The following SHISA9 variants were observed in gnomAD, a reference collection of about 807,000 sequenced individuals.
SHISA9 encodes the protein shisa family member 9.
In SHISA9, 13 loss-of-function variants were observed where a neutral mutation model predicts 38.0. The ratio of observed to expected loss-of-function variants is 0.34; its 90% confidence interval spans 0.22 to 0.54. The LOEUF is 0.54. Among genes scored for constraint, SHISA9 ranks in the 20% least tolerant of loss-of-function variants. The pLI, the probability that SHISA9 is intolerant of heterozygous loss-of-function variation, is 0.91. For synonymous variants in SHISA9, 275 were observed against 242.0 expected (o/e 1.14, Z -1.27); for missense variants, 538 against 575.8 (o/e 0.93, Z 0.67).
At chr16:13,384,953 A>G in the SHISA9 span, among the ~76,000 whole-genome samples, 1 of 152,220 alleles carries the variant, frequency 6.6e-6, no homozygotes, top group African/African-American at 2.4e-5. Flanking sequence ...TGTAATCCAT[A>G]AAGAATGCTC....
intron 2 of SHISA9, among the ~76,000 whole-genome samples, chr16:13,118,180 T>TAAAAAAAA (rs543126630): frequency 1.2e-5 from 1 of 84,050 alleles, no homozygotes; most frequent in Non-Finnish European, 2.5e-5. Flanking sequence ...AGACTTCGTC[T>TAAAAAAAA]AAAAAAAAAA....
chr16:12,917,152 T>G (rs1019755747), intron 2 of SHISA9, among the ~76,000 whole-genome samples: 4 of 152,176 alleles, frequency 2.6e-5, no homozygotes, highest in Non-Finnish European at 4.4e-5. Context: ...AACCAATGGA[T>G]TATTGGGTTA....
intron 2 of SHISA9, among the ~76,000 whole-genome samples, chr16:13,116,232 C>T (rs890852878): frequency 1.5e-4 from 23 of 152,124 alleles, no homozygotes; most frequent in African/African-American, 3.1e-4. Flanking sequence ...AGAGAATTAA[C>T]GGTGGATTCT....
chr16:13,519,598 C>T, the SHISA9 span, among the ~76,000 whole-genome samples: 1 of 152,146 alleles, frequency 6.6e-6, no homozygotes, highest in African/African-American at 2.4e-5. Context: ...TCTCACACTG[C>T]TATGAAGAAA....
intron 2 of SHISA9, among the ~76,000 whole-genome samples, chr16:13,042,958 G>T (rs1211887348): frequency 1.3e-5 from 2 of 152,170 alleles, no homozygotes; most frequent in Admixed American, 1.3e-4. Flanking sequence ...TTAAGGTAAT[G>T]CTGGCTTCTA....
At chr16:13,249,840 C>T in the SHISA9 span, among the ~76,000 whole-genome samples, 2 of 152,114 alleles carry the variant, frequency 1.3e-5, no homozygotes, top group Non-Finnish European at 1.5e-5. Flanking sequence ...TCAAGCGATC[C>T]CCCAGCCTTA....
intron 2 of SHISA9, among the ~76,000 whole-genome samples, chr16:13,155,856 C>CT (rs1211542236): frequency 6.6e-6 from 1 of 151,824 alleles, no homozygotes; most frequent in Non-Finnish European, 1.5e-5. Flanking sequence ...GATTTCTCTG[C>CT]TTTTTTTTCT....
the SHISA9 span, among the ~76,000 whole-genome samples, chr16:13,351,407 A>C: frequency 6.6e-6 from 1 of 152,314 alleles, no homozygotes; most frequent in Admixed American, 6.5e-5. Context: ...GAGGAGATAG[A>C]AGACAAGTAC....
chr16:13,201,038 G>T (rs2051001506), intron 2 of SHISA9, among the ~76,000 whole-genome samples: 1 of 135,630 alleles, frequency 7.4e-6, no homozygotes, highest in Non-Finnish European at 1.6e-5. Flanking sequence ...CACCTCTAAG[G>T]TTATGAGGGA....
At position 13,183,641 on chromosome 16, in the gene SHISA9, A is replaced by G. The variant is rs535178215; in HGVS notation, c.692-19753A>G. On this transcript the variant is annotated intron_variant, in intron 2 of 4. Transcript: ENST00000558583. The stretch of plus-strand genomic sequence containing the variant: ...TATAAAGTGCCCTATCTTGGTTTCC[A>G]CAACTATGTTTTCCTTTTGTGAATA... Among the ~76,000 whole-genome samples, 212 of 152,352 alleles carry G rather than the reference A, an allele frequency of 1.4e-3. 1 individual carries two copies. The highest frequency in any genetic ancestry group is 4.7e-3 in the African/African-American group (194 of 41,592).
intron 2 of SHISA9, among the ~76,000 whole-genome samples, chr16:13,081,193 A>C (rs1486912205): frequency 6.6e-6 from 1 of 152,210 alleles, no homozygotes; most frequent in Non-Finnish European, 1.5e-5. Flanking sequence ...TGCTGTACCT[A>C]GGGATGGATA....
intron 2 of SHISA9, among the ~76,000 whole-genome samples, chr16:13,197,969 G>A (rs1202278307): frequency 1.3e-5 from 2 of 152,210 alleles, no homozygotes; most frequent in Non-Finnish European, 1.5e-5. Context: ...CAGATCACCT[G>A]AGGTCAGGAG....
chr16:13,183,557 T>C (rs1441058792), intron 2 of SHISA9, among the ~76,000 whole-genome samples: 1 of 152,262 alleles, frequency 6.6e-6, no homozygotes, highest in East Asian at 1.9e-4. Context: ...ATCTCCCAAC[T>C]GAGAGCTTAA....
intron 2 of SHISA9, among the ~76,000 whole-genome samples, chr16:13,081,228 G>A (rs1451929246): frequency 1.3e-5 from 2 of 152,182 alleles, no homozygotes; most frequent in African/African-American, 4.8e-5. Flanking sequence ...CAAAACGCAG[G>A]CATTCTTTGT....
At chr16:12,958,784 G>A (rs2071869892) in intron 2 of SHISA9, among the ~76,000 whole-genome samples, 1 of 152,162 alleles carries the variant, frequency 6.6e-6, no homozygotes, top group Admixed American at 6.5e-5. Flanking sequence ...CTGAAATTAT[G>A]TATCTAGTAA....
At chr16:13,291,067 C>G in the SHISA9 span, among the ~76,000 whole-genome samples, 3 of 152,102 alleles carry the variant, frequency 2.0e-5, no homozygotes, top group Non-Finnish European at 4.4e-5. Context: ...CACCAACTTG[C>G]TATAGGAACT....
At chr16:12,982,742 T>C (rs2072256909) in intron 2 of SHISA9, among the ~76,000 whole-genome samples, 1 of 152,250 alleles carries the variant, frequency 6.6e-6, no homozygotes, top group Admixed American at 6.5e-5. Flanking sequence ...GGTTTACTTA[T>C]GTGTCTATTC....
rs1567183997 is a variant in SHISA9 at position 13,019,873 on chromosome 16, TC to T, written c.691+103061del. 5.2e-3 allele frequency among the ~76,000 whole-genome samples: 182 copies of T among 34,752 alleles called. 14 individuals carry two copies. The highest frequency in any genetic ancestry group is 0.018 in the African/African-American group (148 of 8,000). 22.8% of individuals were successfully genotyped at this position (34,752 alleles called of 152,430 possible). ...CTCCCTCCCTCCCTCCCTCCCTCCC[TC>T]CCTCCCTCCCTTCTTTCTTTCTTTC... On this transcript the variant is annotated intron_variant, in intron 2 of 4. Transcript: ENST00000558583.
intron 2 of SHISA9, among the ~76,000 whole-genome samples, chr16:13,032,849 A>G (rs2073008319): frequency 7.6e-6 from 1 of 131,694 alleles, no homozygotes. Context: ...CATAGTTTTG[A>G]CCTTTGTGAG....
Sources: gnomAD v4.1 joint callset for allele counts (sites outside exome capture counted in the v4.1 genomes callset) on GRCh38, gnomAD v4.1.1 for gene constraint, MANE v1.5 for transcripts, NCBI Gene and HGNC (gene_info 2026-07-23, HGNC 2026-07-21) for gene names.